The following FRK variants were observed in gnomAD, a reference collection of about 807,000 sequenced individuals.
FRK encodes the protein fyn related Src family tyrosine kinase.
A neutral mutation model predicts 56.4 loss-of-function variants in FRK; 51 were observed. The ratio of observed to expected loss-of-function variants is 0.90; its 90% CI spans 0.72 to 1.14. The LOEUF is 1.14. Among genes scored for constraint, FRK ranks in the 50% most tolerant of loss-of-function variants. The probability of loss-of-function intolerance (pLI) is 0.00; values close to 1 mark genes in which losing one functional copy is unlikely to be tolerated. For synonymous variants in FRK, 245 were observed against 217.9 expected (o/e 1.12, Z -1.10); for missense variants, 570 against 601.4 (o/e 0.95, Z 0.55).
chr6:116,070,218 G>A, the FRK span, among the ~76,000 whole-genome samples: 1 of 150,796 alleles, frequency 6.6e-6, no homozygotes. Flanking sequence ...AACCAACCCT[G>A]TACAAGAGAA....
chr6:116,064,232 G>A (rs1212989182), upstream of FRK, among the ~76,000 whole-genome samples: 1 of 152,000 alleles, frequency 6.6e-6, no homozygotes, highest in Non-Finnish European at 1.5e-5. Flanking sequence ...TTCTAGGTTG[G>A]GTTCAGGCGA....
chr6:116,067,939 G>A, the FRK span, among the ~76,000 whole-genome samples: 3 of 152,092 alleles, frequency 2.0e-5, no homozygotes, highest in Non-Finnish European at 4.4e-5. Context: ...CTTATCCCTT[G>A]GACTTGAGTC....
chr6:115,985,890 C>T (rs1390384604), intron 2 of FRK, among the ~76,000 whole-genome samples: 1 of 110,162 alleles, frequency 9.1e-6, no homozygotes, highest in African/African-American at 3.0e-5. Flanking sequence ...AATACTTTCT[C>T]CCAACAAGCA....
At chr6:115,975,269 G>A (rs905960140) in intron 2 of FRK, among the ~76,000 whole-genome samples, 3 of 151,844 alleles carry the variant, frequency 2.0e-5, no homozygotes, top group Non-Finnish European at 4.4e-5. Flanking sequence ...CTGGCATCAT[G>A]AGCATTTATA....
At chr6:116,072,530 A>AACACACACAC in the FRK span, among the ~76,000 whole-genome samples, 599 of 144,944 alleles carry the variant, frequency 4.1e-3, 7 homozygotes, top group African/African-American at 0.013. Context: ...AGGTTAAATA[A>AACACACACAC]ACACACACAC....
At chr6:116,083,604 C>T in the FRK span, among the ~76,000 whole-genome samples, 1 of 152,118 alleles carries the variant, frequency 6.6e-6, no homozygotes, top group Non-Finnish European at 1.5e-5. Flanking sequence ...TATTAAAGTA[C>T]AGATTGCTGG....
chr6:116,001,002 G>A (rs989368502), intron 2 of FRK, among the ~76,000 whole-genome samples: 4 of 152,166 alleles, frequency 2.6e-5, no homozygotes, highest in African/African-American at 9.7e-5. Flanking sequence ...CACTTTAGGA[G>A]GCCAGGGAGG....
At chr6:116,088,237 T>C in the FRK span, among the ~76,000 whole-genome samples, 2 of 152,214 alleles carry the variant, frequency 1.3e-5, no homozygotes, top group South Asian at 2.1e-4. Flanking sequence ...CAAGTCCTTG[T>C]CACAGGCTCT....
chr6:116,043,824 AATAG>A (rs1439589704), intron 1 of FRK, among the ~76,000 whole-genome samples: 8 of 152,162 alleles, frequency 5.3e-5, no homozygotes, highest in African/African-American at 7.2e-5. Flanking sequence ...AGATTAACAA[AATAG>A]ATAGACCGCT....
rs144647284 is a variant in FRK, at chr6:115,993,817, C to T, written c.466+10060G>A. 3.2e-3 allele frequency among the ~76,000 whole-genome samples: 491 copies of T among 152,048 alleles called. 4 individuals are homozygous for T. Among genetic ancestry groups the T allele is most frequent in the African/African-American group, 0.011 (455 of 41,512 alleles). On this transcript the variant is annotated intron_variant, in intron 2 of 7. Transcript: ENST00000606080. ...ACTTTAATCTATTATTCTTTCTCCC[C>T]AAAGAGCATCTCAAGTATGCTCTTT...
chr6:116,078,220 A>C, the FRK span, among the ~76,000 whole-genome samples: 2 of 152,232 alleles, frequency 1.3e-5, no homozygotes, highest in Non-Finnish European at 2.9e-5. Flanking sequence ...TTTACTCAGG[A>C]GTAGTGTCCC....
At chr6:116,014,309 A>C in intron 1 of FRK, among the ~76,000 whole-genome samples, 1 of 152,194 alleles carries the variant, frequency 6.6e-6, no homozygotes, top group Non-Finnish European at 1.5e-5. Context: ...AGACCACTTT[A>C]AGTAACAAAT....
intron 1 of FRK, among the ~76,000 whole-genome samples, chr6:116,015,132 T>C (rs1057383228): frequency 7.9e-5 from 12 of 152,198 alleles, no homozygotes; most frequent in Non-Finnish European, 1.6e-4. Context: ...TTTGGCTCTG[T>C]GTCCCCACCC....
At chr6:116,052,822 G>T (rs1436752074) in intron 1 of FRK, among the ~76,000 whole-genome samples, 1 of 152,160 alleles carries the variant, frequency 6.6e-6, no homozygotes, top group Non-Finnish European at 1.5e-5. Flanking sequence ...TACAGGGAAA[G>T]AATATTGTGA....
At chr6:116,070,624 A>G in the FRK span, among the ~76,000 whole-genome samples, 1 of 152,212 alleles carries the variant, frequency 6.6e-6, no homozygotes, top group Admixed American at 6.5e-5. Flanking sequence ...AAAAAAAGTC[A>G]TATATCCAAT....
intron 1 of FRK, among the ~76,000 whole-genome samples, chr6:116,026,703 TAG>T (rs1776108662): frequency 6.6e-6 from 1 of 151,746 alleles, no homozygotes; most frequent in Non-Finnish European, 1.5e-5. Context: ...GGATCCAAGT[TAG>T]AGAGAGCTGG....
At chr6:116,067,161 C>A in the FRK span, among the ~76,000 whole-genome samples, 1 of 152,070 alleles carries the variant, frequency 6.6e-6, no homozygotes, top group African/African-American at 2.4e-5. Context: ...GCCATGTGAA[C>A]AGAGTAATGC....
At chr6:116,001,218 G>A (rs11153590) in intron 2 of FRK, among the ~76,000 whole-genome samples, 52,383 of 150,366 alleles carry the variant, frequency 0.35, 9,560 homozygotes, top group Middle Eastern at 0.46. Flanking sequence ...AGCCTGGTCG[G>A]CAGAGTGAGA....
intron 2 of FRK, among the ~76,000 whole-genome samples, chr6:115,996,680 T>G (rs556197933): frequency 6.0e-4 from 92 of 152,216 alleles, no homozygotes; most frequent in South Asian, 1.7e-3. Flanking sequence ...TGTAAAGAGG[T>G]GTTTGTGTGG....
Sources: gnomAD v4.1 joint callset for allele counts (sites outside exome capture counted in the v4.1 genomes callset) on GRCh38, gnomAD v4.1.1 for gene constraint, MANE v1.5 for transcripts, NCBI Gene and HGNC (gene_info 2026-07-23, HGNC 2026-07-21) for gene names.